SPECC1: variants seen among roughly 807,000 people sequenced by gnomAD.
The protein encoded by SPECC1 is cytospin-B.
A neutral mutation model predicts 104.1 loss-of-function variants in SPECC1; 62 were observed. The ratio of observed to expected loss-of-function variants is 0.60; its 90% CI spans 0.49 to 0.74. The LOEUF (loss-of-function observed/expected upper bound fraction) is 0.74. Among genes scored for constraint, SPECC1 ranks in the 30% least tolerant of loss-of-function variants. The pLI, the probability that SPECC1 is intolerant of heterozygous loss-of-function variation, is 0.00. For synonymous variants in SPECC1, 513 were observed against 501.6 expected, an observed-to-expected ratio of 1.02 and a Z score of -0.30; for missense variants, 1,306 against 1,310.5, an observed-to-expected ratio of 1.00 and a Z score of 0.05.
chr17:20,292,788 C>T (rs1333456098), intron 12 of SPECC1, among the ~76,000 whole-genome samples: 1 of 152,208 alleles, frequency 6.6e-6, no homozygotes. Context: ...TTACGTAATG[C>T]TGGTGTGCTT....
intron 1 of SPECC1, among the ~76,000 whole-genome samples, chr17:20,030,845 G>C (rs944423474): frequency 2.0e-5 from 3 of 151,336 alleles, no homozygotes; most frequent in African/African-American, 7.3e-5. Context: ...CCTTTTTTTT[G>C]TGGTAAGATA....
At chr17:20,302,144 C>T (rs999371220) in intron 13 of SPECC1, among the ~76,000 whole-genome samples, 2 of 152,238 alleles carry the variant, frequency 1.3e-5, no homozygotes, top group African/African-American at 2.4e-5. Flanking sequence ...TGAAGTGTGA[C>T]CCTGAGAGGG....
At chr17:20,098,210 A>C (rs2047746481) in intron 2 of SPECC1, among the ~76,000 whole-genome samples, 1 of 151,636 alleles carries the variant, frequency 6.6e-6, no homozygotes, top group African/African-American at 2.4e-5. Flanking sequence ...GCTCCCCCAA[A>C]TCTTCCCATT....
chr17:20,240,468 T>A (rs1185235891), intron 7 of SPECC1, among the ~76,000 whole-genome samples: 1 of 152,146 alleles, frequency 6.6e-6, no homozygotes, highest in Non-Finnish European at 1.5e-5. Flanking sequence ...GTGTTTTCCT[T>A]TACTCTTTTT....
At chr17:20,084,286 G>A (rs1403522183) in intron 1 of SPECC1, among the ~76,000 whole-genome samples, 2 of 151,950 alleles carry the variant, frequency 1.3e-5, no homozygotes, top group African/African-American at 4.8e-5. Context: ...AAAATTAGTC[G>A]GGCACAGTGG....
intron 2 of SPECC1, among the ~76,000 whole-genome samples, chr17:20,107,166 A>G (rs537738875): frequency 5.4e-5 from 8 of 148,792 alleles, no homozygotes; most frequent in Non-Finnish European, 7.5e-5. Context: ...AAAAAAAAAA[A>G]AAAGAAAAGA....
rs374508161 is a variant in SPECC1 at position 20,193,617 on chromosome 17, G to A, written c.284-10716G>A. Among the ~76,000 whole-genome samples, 11 of 152,262 alleles carry A rather than the reference G, an allele frequency of 7.2e-5. No individual in the cohort carries two copies. The East Asian group carries it at 1.5e-3, about 21-fold the overall frequency. On this transcript the variant is annotated intron_variant, in intron 3 of 14. Coordinates refer to ENST00000395527, the MANE Select transcript of SPECC1 (RefSeq NM_001243439.2). ...GGTCCATTCATAACTCTTGAGTTTC[G>A]ACAGAGGGTGGTATCTGGAAGATGA...
chr17:20,104,308 G>A (rs1429426190), intron 2 of SPECC1, among the ~76,000 whole-genome samples: 1 of 152,156 alleles, frequency 6.6e-6, no homozygotes, highest in Non-Finnish European at 1.5e-5. Flanking sequence ...GGGTATTTTT[G>A]TATTCTCTGC....
At chr17:20,091,896 A>G (rs1409194896) in intron 1 of SPECC1, among the ~76,000 whole-genome samples, 2 of 152,146 alleles carry the variant, frequency 1.3e-5, no homozygotes, top group East Asian at 3.8e-4. Flanking sequence ...TAAAAGGATA[A>G]TGAAGCTGAG....
intron 10 of SPECC1, among the ~76,000 whole-genome samples, chr17:20,254,134 C>CGTGTGT (rs71357419): frequency 0.1 from 13,828 of 135,816 alleles, 915 homozygotes; most frequent in African/African-American, 0.17. Flanking sequence ...GTTGTTACAC[C>CGTGTGT]GTGTGTGTGT....
chr17:20,214,867 A>G (rs2037386872), intron 4 of SPECC1, among the ~76,000 whole-genome samples: 1 of 152,188 alleles, frequency 6.6e-6, no homozygotes, highest in African/African-American at 2.4e-5. Context: ...CAGGTGACTG[A>G]TTTGATGTCA....
chr17:20,197,098 C>T (rs531876445), intron 3 of SPECC1, among the ~76,000 whole-genome samples: 5 of 152,188 alleles, frequency 3.3e-5, no homozygotes, highest in South Asian at 4.2e-4. Context: ...TTTTCATTTG[C>T]CAGTTTTTAA....
intron 2 of SPECC1, among the ~76,000 whole-genome samples, chr17:20,106,473 G>T (rs2048203038): frequency 6.6e-6 from 1 of 152,142 alleles, no homozygotes; most frequent in South Asian, 2.1e-4. Flanking sequence ...TTTGGTCCAT[G>T]ATATGGTTTG....
intron 3 of SPECC1, among the ~76,000 whole-genome samples, chr17:20,119,138 A>G (rs544955995): frequency 3.0e-4 from 46 of 152,380 alleles, no homozygotes; most frequent in African/African-American, 1.1e-3. Context: ...TCTCCTAGTT[A>G]TACAAATTGT....
intron 11 of SPECC1, among the ~76,000 whole-genome samples, chr17:20,259,920 G>C (rs1054056147): frequency 6.6e-6 from 1 of 152,172 alleles, no homozygotes; most frequent in African/African-American, 2.4e-5. Context: ...GTAAACAAAT[G>C]AAAGACTAGA....
chr17:20,194,066 C>T (rs972661879), intron 3 of SPECC1, among the ~76,000 whole-genome samples: 3 of 152,178 alleles, frequency 2.0e-5, no homozygotes, highest in East Asian at 1.9e-4. Flanking sequence ...TATGGTAAGA[C>T]TGATTTGTTT....
Position 20,277,400 on chromosome 17 carries a change from A to T in SPECC1, c.2940+17106A>T, listed in dbSNP as rs193167516. Among the ~76,000 whole-genome samples, 343 of 152,212 alleles carry T rather than the reference A, an allele frequency of 2.3e-3. 1 individual carries two copies. The highest frequency in any genetic ancestry group is 7.7e-3 in the African/African-American group (322 of 41,554). On this transcript the variant is annotated intron_variant, in intron 12 of 14. Coordinates refer to ENST00000395527, the MANE Select transcript of SPECC1 (RefSeq NM_001243439.2). ...AAAGTACTTTTTAAACTTTTTTTTT[A>T]AAATGATGCTGCTAAATGAAAGTAT... is the stretch of plus-strand genomic sequence containing the variant.
intron 12 of SPECC1, among the ~76,000 whole-genome samples, chr17:20,266,672 C>CATGGGGT (rs1432168075): frequency 1.3e-5 from 2 of 152,170 alleles, no homozygotes; most frequent in African/African-American, 4.8e-5. Context: ...CTTAAATCCT[C>CATGGGGT]ATGGGGTCTG....
chr17:20,286,941 C>G lies in SPECC1; in HGVS notation c.2941-10020C>G, dbSNP rs2040968627. Reference sequence around the variant, plus strand: ...CCCAGGGCCCAGGCTGCAGGAGCTCCTGGAAACTGTGCTAGCCCCAAGAAA... The same window carrying G: ...CCCAGGGCCCAGGCTGCAGGAGCTCGTGGAAACTGTGCTAGCCCCAAGAAA... On this transcript the variant is annotated intron_variant, in intron 12 of 14. Coordinates refer to ENST00000395527, the MANE Select transcript of SPECC1 (RefSeq NM_001243439.2). Among the ~76,000 whole-genome samples the G allele has an allele frequency of 2.0e-5, 3 of 152,354 alleles. No individual in the cohort carries two copies. The South Asian group carries it at 6.2e-4, about 32-fold the overall frequency.
Sources: allele counts gnomAD v4.1 joint callset (sites outside exome capture counted in the v4.1 genomes callset), GRCh38; gene constraint gnomAD v4.1.1; transcripts MANE v1.5; gene names NCBI Gene and HGNC (gene_info 2026-07-23, HGNC 2026-07-21).